NFE2L2: variants seen among roughly 807,000 people sequenced by gnomAD.
The protein encoded by NFE2L2 is nuclear factor erythroid 2-related factor 2.
NFE2L2 carries 20 observed loss-of-function variants against 49.6 expected under a neutral mutation model. The observed-to-expected ratio is 0.40, with a 90% CI of 0.28 to 0.59. The LOEUF (loss-of-function observed/expected upper bound fraction) is 0.59, where lower values mean the gene tolerates loss of function less well. NFE2L2 is among the 20% of genes least tolerant of loss of function. NFE2L2 has a pLI of 0.40. For synonymous variants in NFE2L2, 244 were observed against 256.5 expected, an observed-to-expected ratio of 0.95 and a Z score of 0.47; for missense variants, 578 against 714.2, an observed-to-expected ratio of 0.81 and a Z score of 2.17.
chr2:177,264,001 G>A, intron 1 of NFE2L2: 1 of 961,576 alleles, frequency 1.0e-6, no homozygotes, highest in Non-Finnish European at 1.2e-6. Flanking sequence ...ACTCAAGGAG[G>A]TCTTGGGGCG....
intron 2 of NFE2L2, chr2:177,233,800 C>T (rs774835272): frequency 3.1e-6 from 2 of 640,884 alleles, no homozygotes; most frequent in Non-Finnish European, 5.2e-6. Context: ...TCCCAATCCT[C>T]ACAATAACAC....
At chr2:177,252,506 T>A (rs1287195749) in intron 1 of NFE2L2, among the ~76,000 whole-genome samples, 1 of 152,192 alleles carries the variant, frequency 6.6e-6, no homozygotes, top group East Asian at 1.9e-4. Flanking sequence ...TAGAATTTAC[T>A]AAAAATAGTA....
At chr2:177,255,176 G>C (rs142832274) in intron 1 of NFE2L2, among the ~76,000 whole-genome samples, 117 of 152,276 alleles carry the variant, frequency 7.7e-4, no homozygotes, top group African/African-American at 2.3e-3. Flanking sequence ...CTATCTAGGC[G>C]AGTCATGTCT....
At chr2:177,252,175 C>T (rs1016310965) in intron 1 of NFE2L2, among the ~76,000 whole-genome samples, 6 of 152,122 alleles carry the variant, frequency 3.9e-5, no homozygotes. Context: ...AACGGAAACA[C>T]ACCCTATTGT....
chr2:177,242,382 A>C (rs1409412726), intron 1 of NFE2L2, among the ~76,000 whole-genome samples: 2 of 152,242 alleles, frequency 1.3e-5, no homozygotes, highest in Non-Finnish European at 2.9e-5. Flanking sequence ...CCTTTCCCTT[A>C]TCTTGAATAA....
At chr2:177,233,503 T>C (rs1225559434) in intron 2 of NFE2L2, 164 bp from the exon 3 acceptor site, 11 of 621,982 alleles carry the variant, frequency 1.8e-5, no homozygotes, top group Admixed American at 3.4e-5. Context: ...CTAGACCACA[T>C]GGGTTCAGAT....
rs762320240 is a variant in NFE2L2, at chr2:177,231,012, G to T, written c.1591C>A (p.His531Asn). ...AATTTTTCTTTTTCATCTTTCAAAT[G>T]ATCTAAATCTTGCTCTAGTTCTACT... ...NIVELEQDLD[H>N]LKDEKEKLLK... The change falls in exon 5 of 5, where the codon CAT (histidine) becomes AAT (asparagine). Residue 531 changes from histidine (H) to asparagine (N), a missense_variant. Physicochemically the swap from His to Asn is moderately conservative, Grantham distance 68. This residue lies in a region of NFE2L2 where 117 missense variants were observed against 175.8 expected (regional missense o/e 0.67). Coordinates refer to ENST00000397062, the MANE Select transcript of NFE2L2 (RefSeq NM_006164.5). The T allele has an allele frequency of 1.7e-5, 28 of 1,611,096 alleles. No homozygotes were observed. Among genetic ancestry groups the T allele is most frequent in the South Asian group, 5.6e-5 (5 of 90,022 alleles).
chr2:177,232,114 ATAATT>A, intron 4 of NFE2L2, 106 bp from the exon 5 acceptor site: 2 of 1,092,026 alleles, frequency 1.8e-6, no homozygotes, highest in Non-Finnish European at 2.6e-6. Flanking sequence ...GCTTATCTCT[ATAATT>A]TATTATCTAT....
intron 1 of NFE2L2, among the ~76,000 whole-genome samples, chr2:177,263,200 A>G (rs2105500368): frequency 6.6e-6 from 1 of 152,382 alleles, no homozygotes; most frequent in East Asian, 1.9e-4. Flanking sequence ...AACAATTCAC[A>G]GAAATTAGCA....
At chr2:177,232,773 T>C in intron 3 of NFE2L2, 190 bp from the exon 4 acceptor site, 1 of 593,392 alleles carries the variant, frequency 1.7e-6, no homozygotes, top group Non-Finnish European at 2.9e-6. Flanking sequence ...TATAATTTGC[T>C]GGTCTGTTTC....
At chr2:177,263,920 T>G in intron 1 of NFE2L2, 1 of 985,484 alleles carries the variant, frequency 1.0e-6, no homozygotes, top group African/African-American at 1.7e-5. Flanking sequence ...CAGAGAGTGA[T>G]CCGAGAGATG....
At position 177,254,612 on chromosome 2, in the gene NFE2L2, C is replaced by T. The variant is rs111914065; in HGVS notation, c.45+9920G>A. The stretch of plus-strand genomic sequence containing the variant: ...TCTGCTCCAAAGAGAAGTCCAGCCC[C>T]ATGCGTCAACAGCGCCCCCACTGGT... On this transcript the variant is annotated intron_variant, in intron 1 of 4. Transcript: ENST00000397062. Among the ~76,000 whole-genome samples the T allele has an allele frequency of 6.1e-3, 927 of 152,326 alleles. 13 individuals carry two copies. Among genetic ancestry groups the T allele is most frequent in the African/African-American group, 0.021 (856 of 41,576 alleles).
intron 1 of NFE2L2, chr2:177,263,542 C>G (rs1383810054): frequency 2.0e-6 from 2 of 985,532 alleles, no homozygotes. Context: ...TCCCTTGGCC[C>G]TGGCGCGGCG....
intron 1 of NFE2L2, among the ~76,000 whole-genome samples, chr2:177,244,876 C>T (rs1308506757): frequency 2.0e-5 from 3 of 151,514 alleles, no homozygotes; most frequent in African/African-American, 7.3e-5. Flanking sequence ...TGGTGGTGGG[C>T]GCCTGTGTCC....
intron 1 of NFE2L2, among the ~76,000 whole-genome samples, chr2:177,237,274 G>A (rs952316317): frequency 4.7e-4 from 72 of 152,168 alleles, no homozygotes; most frequent in Non-Finnish European, 9.1e-4. Flanking sequence ...AGTATGAAGC[G>A]GCCAGTCTGC....
chr2:177,234,398 T>C, intron 1 of NFE2L2, 127 bp from the exon 2 acceptor site: 1 of 1,071,758 alleles, frequency 9.3e-7, no homozygotes, highest in Non-Finnish European at 1.3e-6. Flanking sequence ...ACAATCTAAA[T>C]GAGAACACAG....
At position 177,230,571 on chromosome 2, in the gene NFE2L2, G is replaced by T. The variant is rs1229462453; in HGVS notation, c.*214C>A. On this transcript the variant is annotated 3_prime_UTR_variant, in exon 5 of 5. Transcript: ENST00000397062. Reference sequence around the variant, plus strand: ...TTACACAGAAACTAGCCCAAATGGTGTCCTAAGAAATTGTTTACAGTTAAA... The same window carrying T: ...TTACACAGAAACTAGCCCAAATGGTTTCCTAAGAAATTGTTTACAGTTAAA... The T allele has an allele frequency of 6.1e-6, 3 of 488,330 alleles. No individual in the cohort carries two copies. Among genetic ancestry groups the T allele is most frequent in the African/African-American group, 4.0e-5 (2 of 49,712 alleles). The allele number at this position is 488,330 out of a possible 1,614,324, so 30.2% of individuals were successfully genotyped here.
At chr2:177,251,795 G>C (rs1448315715) in intron 1 of NFE2L2, among the ~76,000 whole-genome samples, 1 of 151,824 alleles carries the variant, frequency 6.6e-6, no homozygotes, top group Non-Finnish European at 1.5e-5. Flanking sequence ...CACGAGGTCA[G>C]GAGTTCGAGA....
At position 177,230,346 on chromosome 2, in the gene NFE2L2, TA is replaced by T; in HGVS notation, c.*438del. The stretch of plus-strand genomic sequence containing the variant: ...ATAATCCTTTATTAGTACCAGCTCT[TA>T]AAATTTTTTTTTTTTGCCAGAGCTA... On this transcript the variant is annotated 3_prime_UTR_variant, in exon 5 of 5. Coordinates refer to ENST00000397062, the MANE Select transcript of NFE2L2 (RefSeq NM_006164.5). The T allele has an allele frequency of 1.7e-5, 4 of 232,170 alleles. No individual in the cohort carries two copies. Among genetic ancestry groups the T allele is most frequent in the East Asian group, 1.2e-4 (2 of 16,072 alleles). 14.4% of individuals were successfully genotyped at this position (232,170 alleles called of 1,614,324 possible).
Sources: allele counts gnomAD v4.1 joint callset (sites outside exome capture counted in the v4.1 genomes callset), GRCh38; gene constraint gnomAD v4.1.1; regional missense constraint gnomAD v4.1.1; transcripts MANE v1.5; gene names NCBI Gene and HGNC (gene_info 2026-07-23, HGNC 2026-07-21).